The following PCDHA2 variants were observed in gnomAD, a reference collection of about 807,000 sequenced individuals.
PCDHA2 encodes the protein protocadherin alpha-2.
In PCDHA2, 58 loss-of-function variants were observed where a neutral mutation model predicts 66.0. The ratio of observed to expected loss-of-function variants is 0.88; its 90% confidence interval spans 0.71 to 1.09. The LOEUF is 1.09. Ranked by LOEUF, PCDHA2 falls within the 50% of genes least tolerant of loss-of-function variation. PCDHA2 has a pLI of 0.00. For synonymous variants in PCDHA2, 634 were observed against 554.0 expected (o/e 1.14, Z -2.03); for missense variants, 1,267 against 1,242.3 (o/e 1.02, Z -0.30).
chr5:140,993,267 T>C (rs1554253547), intron 3 of PCDHA2, among the ~76,000 whole-genome samples: 1 of 152,166 alleles, frequency 6.6e-6, no homozygotes, highest in Non-Finnish European at 1.5e-5. Context: ...ATTAGCTTCT[T>C]TGGTCTTTTC....
intron 1 of PCDHA2, chr5:140,808,895 G>T: frequency 6.2e-7 from 1 of 1,613,490 alleles, no homozygotes; most frequent in South Asian, 1.1e-5. Flanking sequence ...AGCGCCTCGG[G>T]CGGGTGGCAC....
chr5:140,938,026 A>T (rs2091889452), intron 1 of PCDHA2, among the ~76,000 whole-genome samples: 1 of 152,144 alleles, frequency 6.6e-6, no homozygotes, highest in Non-Finnish European at 1.5e-5. Context: ...GTAAAATCTC[A>T]TATTTTTATA....
intron 3 of PCDHA2, among the ~76,000 whole-genome samples, chr5:140,986,945 C>G (rs1295830111): frequency 1.3e-5 from 2 of 151,946 alleles, no homozygotes; most frequent in Non-Finnish European, 2.9e-5. Context: ...TGGGTGTGGT[C>G]GCTCATGCCT....
chr5:140,829,708 C>G, intron 1 of PCDHA2: 1 of 1,613,376 alleles, frequency 6.2e-7, no homozygotes, highest in South Asian at 1.1e-5. Context: ...GCGCGCGCGA[C>G]GCGGGCGTGC....
intron 1 of PCDHA2, among the ~76,000 whole-genome samples, chr5:140,915,722 A>G (rs559518429): frequency 1.3e-5 from 2 of 151,088 alleles, no homozygotes; most frequent in South Asian, 4.2e-4. Flanking sequence ...CCCACTTTGG[A>G]TTGTGCTGGG....
chr5:140,876,718 G>A (rs1554168825), intron 1 of PCDHA2: 4 of 1,614,124 alleles, frequency 2.5e-6, no homozygotes, highest in African/African-American at 2.7e-5. Context: ...CCTGGACCGC[G>A]AGAGCGTGTC....
chr5:140,848,763 A>G, intron 1 of PCDHA2: 3 of 1,593,392 alleles, frequency 1.9e-6, no homozygotes, highest in Non-Finnish European at 2.6e-6. Context: ...GAATTCTCGG[A>G]TCGACCGCGA....
rs1013385082 is a variant in PCDHA2 at position 140,821,701 on chromosome 5, T to C, written c.2388+24349T>C. ...AGGCGATAATATAAAAAATATATAG[T>C]TAATTGGGAATTGAATTTACAAAAT... On this transcript the variant is annotated intron_variant, in intron 1 of 3. Coordinates refer to ENST00000526136, the MANE Select transcript of PCDHA2 (RefSeq NM_018905.3). 1.6e-5 allele frequency: 23 copies of C among 1,421,100 alleles called. No homozygotes were observed. The African/African-American group carries it at 3.2e-4, about 20-fold the overall frequency. 88.0% of individuals were successfully genotyped at this position (1,421,100 alleles called of 1,614,324 possible). A position where few individuals can be genotyped will look rare whatever the true frequency, so the allele number is the denominator to read the frequency against.
intron 1 of PCDHA2, chr5:140,822,951 T>C: frequency 6.2e-7 from 1 of 1,614,176 alleles, no homozygotes; most frequent in African/African-American, 1.3e-5. Context: ...TGCCCCACGT[T>C]CCCTTCAAGC....
At chr5:140,937,302 G>T (rs1554211521) in intron 1 of PCDHA2, among the ~76,000 whole-genome samples, 4 of 152,094 alleles carry the variant, frequency 2.6e-5, no homozygotes, top group African/African-American at 9.7e-5. Flanking sequence ...CTCCCAAAGT[G>T]CTGGGATTAC....
At chr5:140,917,699 A>G (rs980073163) in intron 1 of PCDHA2, among the ~76,000 whole-genome samples, 1 of 152,058 alleles carries the variant, frequency 6.6e-6, no homozygotes, top group Non-Finnish European at 1.5e-5. Flanking sequence ...AGATCAGATA[A>G]TTGTAGGTGT....
At chr5:140,870,605 G>A (rs1445292626) in intron 1 of PCDHA2, 2 of 1,613,248 alleles carry the variant, frequency 1.2e-6, no homozygotes, top group Non-Finnish European at 1.7e-6. Flanking sequence ...TTGGGCGACC[G>A]CGCGCTGTCG....
chr5:140,874,485 T>C (rs1235889322), intron 1 of PCDHA2, among the ~76,000 whole-genome samples: 1 of 152,218 alleles, frequency 6.6e-6, no homozygotes, highest in Non-Finnish European at 1.5e-5. Flanking sequence ...AAGCAAAAGG[T>C]TGATATCAAG....
chr5:140,969,023 C>T lies in PCDHA2; in HGVS notation c.2389-9926C>T. ...CTTCTGTGGAGTAAGGGAAAGGTCC[C>T]CTGCAGAACTGTACAAACAAGCCAA... is the stretch of plus-strand genomic sequence containing the variant. On this transcript the variant is annotated intron_variant, in intron 1 of 3. Coordinates refer to ENST00000526136, the MANE Select transcript of PCDHA2 (RefSeq NM_018905.3). The T allele has an allele frequency of 3.1e-6, 5 of 1,614,124 alleles. No homozygotes were observed. In the Admixed American group the frequency reaches 5.0e-5, roughly 16 times the overall value.
intron 1 of PCDHA2, among the ~76,000 whole-genome samples, chr5:140,969,746 T>C (rs1353204080): frequency 6.6e-6 from 1 of 152,224 alleles, no homozygotes; most frequent in African/African-American, 2.4e-5. Context: ...ATGAGTGATG[T>C]TTCTTAAAAA....
At chr5:140,870,001 G>A (rs782788057) in intron 1 of PCDHA2, 1 of 1,613,566 alleles carries the variant, frequency 6.2e-7, no homozygotes, top group Non-Finnish European at 8.5e-7. Flanking sequence ...AAATAATGGA[G>A]AAGTGAGGGT....
chr5:140,860,740 T>G (rs934240513), intron 1 of PCDHA2: 1 of 152,266 alleles, frequency 6.6e-6, no homozygotes, highest in Non-Finnish European at 1.5e-5. Context: ...TTTTGTTTTT[T>G]ATTTTTTATT....
At chr5:140,817,795 A>G (rs1766205087) in intron 1 of PCDHA2, among the ~76,000 whole-genome samples, 1 of 152,196 alleles carries the variant, frequency 6.6e-6, no homozygotes, top group Non-Finnish European at 1.5e-5. Context: ...GCTGGTAAAG[A>G]AACCTTTACG....
intron 1 of PCDHA2, chr5:140,824,610 G>GTTTTTTTTTTTTTTTTTTTTTTTT (rs782443702): frequency 7.4e-5 from 7 of 95,108 alleles, no homozygotes; most frequent in African/African-American, 1.5e-4. Flanking sequence ...GCTAATTAAA[G>GTTTTTTTTTTTTTTTTTTTTTTTT]TTTTTTTTTT....
Sources: gnomAD v4.1 joint callset for allele counts (sites outside exome capture counted in the v4.1 genomes callset) on GRCh38, gnomAD v4.1.1 for gene constraint, MANE v1.5 for transcripts, NCBI Gene and HGNC (gene_info 2026-07-23, HGNC 2026-07-21) for gene names.